The following ACOT7 variants were observed in gnomAD, a reference collection of about 807,000 sequenced individuals.
ACOT7 encodes cytosolic acyl coenzyme A thioester hydrolase.
ACOT7 carries 12 observed loss-of-function variants against 40.2 expected under a neutral mutation model. The ratio of observed to expected loss-of-function variants is 0.30; its 90% CI spans 0.19 to 0.48. The LOEUF (loss-of-function observed/expected upper bound fraction) is 0.48, where lower values mean the gene tolerates loss of function less well. ACOT7 is among the 20% of genes least tolerant of loss of function. The probability of loss-of-function intolerance (pLI) is 0.99; values close to 1 mark genes in which losing one functional copy is unlikely to be tolerated. For missense variants in ACOT7, 395 were observed against 530.8 expected (o/e 0.74, Z 2.51); for synonymous variants, 228 against 219.5 (o/e 1.04, Z -0.34).
At chr1:6,387,934 G>GTTGT (rs1642465551) in intron 1 of ACOT7, among the ~76,000 whole-genome samples, 1 of 139,156 alleles carries the variant, frequency 7.2e-6, no homozygotes, top group African/African-American at 2.6e-5. Flanking sequence ...CAGGTTCTTT[G>GTTGT]TTTTTTTTTT....
intron 6 of ACOT7, 52 bp downstream of exon 6, chr1:6,318,440 C>T (rs1316368964): frequency 6.3e-7 from 1 of 1,576,260 alleles, no homozygotes; most frequent in Non-Finnish European, 8.7e-7. Context: ...GCCAGAGAAG[C>T]AACAATGAGC....
At chr1:6,273,390 C>T (rs1639091341) in intron 8 of ACOT7, among the ~76,000 whole-genome samples, 1 of 152,188 alleles carries the variant, frequency 6.6e-6, no homozygotes, top group Non-Finnish European at 1.5e-5. Context: ...ACCAATGAGG[C>T]GACAGGGGCA....
intron 1 of ACOT7, among the ~76,000 whole-genome samples, chr1:6,375,211 C>T (rs1440838482): frequency 6.9e-6 from 1 of 144,910 alleles, no homozygotes; most frequent in African/African-American, 2.6e-5. Flanking sequence ...TGCAGTGAGC[C>T]AAGATCGCGC....
At chr1:6,267,292 C>T (rs1024716069) in intron 8 of ACOT7, among the ~76,000 whole-genome samples, 2 of 152,208 alleles carry the variant, frequency 1.3e-5, no homozygotes, top group African/African-American at 4.8e-5. Flanking sequence ...CACATGCTCT[C>T]AGGTACCAGA....
intron 7 of ACOT7, among the ~76,000 whole-genome samples, chr1:6,290,973 A>T (rs1018009499): frequency 6.6e-6 from 1 of 152,146 alleles, no homozygotes; most frequent in Non-Finnish European, 1.5e-5. Flanking sequence ...GCTGACGTCA[A>T]TTTCACTGCT....
chr1:6,356,959 C>T (rs1641762513), intron 1 of ACOT7, among the ~76,000 whole-genome samples: 1 of 149,958 alleles, frequency 6.7e-6, no homozygotes, highest in Admixed American at 6.7e-5. Context: ...ACTTTTGTGG[C>T]TGGACGCAGT....
chr1:6,345,251 A>C (rs1342526839), intron 2 of ACOT7, among the ~76,000 whole-genome samples: 2 of 152,210 alleles, frequency 1.3e-5, no homozygotes, highest in Non-Finnish European at 2.9e-5. Flanking sequence ...ACGCTCTCAA[A>C]AGCAACTGGT....
At position 6,264,631 on chromosome 1, in the gene ACOT7, G is replaced by C. The variant is rs578211150; in HGVS notation, c.1079C>G (p.Ala360Gly). 4 of 1,613,196 alleles carry C rather than the reference G, an allele frequency of 2.5e-6. No individual in the cohort carries two copies. The highest frequency in any genetic ancestry group is 2.2e-5 in the East Asian group (1 of 44,876). ...EGKGRYLQMK[A>G]KRQGHAEPQP Reference sequence around the variant, plus strand: ...AGGCTCCGCGTGGCCCTGTCGCTTCGCCTTCATCTGCAGGTACCGCCCTTT... The same window carrying C: ...AGGCTCCGCGTGGCCCTGTCGCTTCCCCTTCATCTGCAGGTACCGCCCTTT... The change falls in exon 9 of 9, where the codon GCG becomes GGG. Residue 360 changes from alanine to glycine, a missense_variant. Transcript: ENST00000361521.
At chr1:6,362,927 T>C (rs1193635574) in intron 1 of ACOT7, among the ~76,000 whole-genome samples, 1 of 152,024 alleles carries the variant, frequency 6.6e-6, no homozygotes, top group Non-Finnish European at 1.5e-5. Flanking sequence ...TGGTGAGCAC[T>C]GCGGGTGGCA....
At position 6,306,994 on chromosome 1, in the gene ACOT7, C is replaced by T; in HGVS notation, c.712+11498G>A. The stretch of plus-strand genomic sequence containing the variant: ...CCCTCCCATGTTTTCTCTGCCTTCC[C>T]TTTCCTCTGCCTCCTCCTATAGTCT... On this transcript the variant is annotated intron_variant, in intron 6 of 8. Coordinates refer to ENST00000361521, the MANE Select transcript of ACOT7 (RefSeq NM_007274.4). The surrounding 1 kb of genome is among the most constrained non-coding windows in gnomAD (Gnocchi z 4.3). 1.7e-5 allele frequency: 19 copies of T among 1,125,622 alleles called. No homozygotes were observed. The highest frequency in any genetic ancestry group is 2.1e-5 in the Non-Finnish European group (18 of 844,616). 69.7% of individuals were successfully genotyped at this position (1,125,622 alleles called of 1,614,324 possible).
At chr1:6,297,779 T>G (rs1455203173) in intron 6 of ACOT7, among the ~76,000 whole-genome samples, 1 of 152,222 alleles carries the variant, frequency 6.6e-6, no homozygotes, top group African/African-American at 2.4e-5. Flanking sequence ...ATCTGGGATC[T>G]GCTTCGAAAT....
chr1:6,381,524 C>A (rs1553162839), intron 1 of ACOT7, among the ~76,000 whole-genome samples: 1 of 151,458 alleles, frequency 6.6e-6, no homozygotes, highest in Non-Finnish European at 1.5e-5. Flanking sequence ...CAAAAAAAAA[C>A]AGAAAATAAC....
At position 6,306,467 on chromosome 1, in the gene ACOT7, G is replaced by A. The variant is rs1640159667; in HGVS notation, c.713-11487C>T. 1 of 985,314 alleles carries A rather than the reference G, an allele frequency of 1.0e-6. No homozygotes were observed. Among genetic ancestry groups the A allele is most frequent in the African/African-American group, 1.7e-5 (1 of 57,294 alleles). The allele number at this position is 985,314 out of a possible 1,614,324, so 61.0% of individuals were successfully genotyped here. A position where few individuals can be genotyped will look rare whatever the true frequency, so the allele number is the denominator to read the frequency against. ...GGCTTTCAGGGTTGACACCATCTCG[G>A]GGTTCAAGGTTCAAGTTCACCAGTC... On this transcript the variant is annotated intron_variant, in intron 6 of 8. Coordinates refer to ENST00000361521, the MANE Select transcript of ACOT7 (RefSeq NM_007274.4). The surrounding 1 kb of genome is among the most constrained non-coding windows in gnomAD (Gnocchi z 4.3).
At chr1:6,314,837 G>A (rs1430394924) in intron 6 of ACOT7, among the ~76,000 whole-genome samples, 3 of 146,748 alleles carry the variant, frequency 2.0e-5, no homozygotes, top group Admixed American at 6.8e-5. Context: ...AACCCAGAAC[G>A]GCAGAGACCC....
At chr1:6,361,615 C>A (rs555242992) in intron 1 of ACOT7, among the ~76,000 whole-genome samples, 2 of 152,218 alleles carry the variant, frequency 1.3e-5, no homozygotes, top group South Asian at 4.1e-4. Context: ...GCCTGGCCAA[C>A]ACGGTGGAAC....
rs1182171001 is a variant in ACOT7, at chr1:6,299,548, G to A, written c.713-4568C>T. ...CCAGGCACCACACACAGAGGGCACA[G>A]AGGACAGTCGGCCTCCCCTTACCGG... is the stretch of plus-strand genomic sequence containing the variant. On this transcript the variant is annotated intron_variant, in intron 6 of 8. Coordinates refer to ENST00000361521, the MANE Select transcript of ACOT7 (RefSeq NM_007274.4). The surrounding 1 kb of genome is among the most constrained non-coding windows in gnomAD (Gnocchi z 4.1). Among the ~76,000 whole-genome samples, 1 of 152,124 alleles carries A rather than the reference G, an allele frequency of 6.6e-6. No homozygotes were observed. The highest frequency in any genetic ancestry group is 2.4e-5 in the African/African-American group (1 of 41,412).
At chr1:6,326,929 C>A (rs545183408) in intron 5 of ACOT7, among the ~76,000 whole-genome samples, 28 of 136,646 alleles carry the variant, frequency 2.0e-4, no homozygotes, top group African/African-American at 7.7e-4. Context: ...AAGACTCCAA[C>A]TCAAAAAAAA....
In ACOT7 at chr1:6,306,153, C is replaced by G. The variant is rs1371802552; in HGVS notation, c.713-11173G>C. 44 of 761,972 alleles carry G rather than the reference C, an allele frequency of 5.8e-5. No individual in the cohort carries two copies. The highest frequency in any genetic ancestry group is 6.8e-5 in the Non-Finnish European group (43 of 634,522). The allele number at this position is 761,972 out of a possible 1,614,324, so 47.2% of individuals were successfully genotyped here. A position where few individuals can be genotyped will look rare whatever the true frequency, so the allele number is the denominator to read the frequency against. Reference sequence around the variant, plus strand: ...AGATGGCAGCAGCACAGTCCAGCTTCGGCTCGGCATCAGAGGGAGACCGTG... The same window carrying G: ...AGATGGCAGCAGCACAGTCCAGCTTGGGCTCGGCATCAGAGGGAGACCGTG... On this transcript the variant is annotated intron_variant, in intron 6 of 8. Coordinates refer to ENST00000361521, the MANE Select transcript of ACOT7 (RefSeq NM_007274.4). This position sits in a 1 kb window ranked among gnomAD's most constrained non-coding sequence, Gnocchi z 4.3.
intron 6 of ACOT7, among the ~76,000 whole-genome samples, chr1:6,305,472 C>T (rs1296734852): frequency 3.3e-5 from 5 of 150,598 alleles, no homozygotes; most frequent in Middle Eastern, 3.5e-3. Context: ...ACTTCCCAGA[C>T]GGGGTGGCTG....
Sources: allele counts gnomAD v4.1 joint callset (sites outside exome capture counted in the v4.1 genomes callset), GRCh38; gene constraint gnomAD v4.1.1; non-coding constraint Gnocchi (gnomAD v3.1); transcripts MANE v1.5; gene names NCBI Gene and HGNC (gene_info 2026-07-23, HGNC 2026-07-21).